UBN1: variants seen among roughly 807,000 people sequenced by gnomAD.
The protein encoded by UBN1 is ubinuclein 1.
A neutral mutation model predicts 108.5 loss-of-function variants in UBN1; 17 were observed. That is an observed-to-expected ratio of 0.16 (90% CI 0.11 to 0.24). UBN1 has a LOEUF of 0.24. UBN1 is among the 10% of genes least tolerant of loss of function. The pLI, the probability that UBN1 is intolerant of heterozygous loss-of-function variation, is 1.00. For synonymous variants in UBN1, 726 were observed against 564.2 expected (o/e 1.29, Z -4.07); for missense variants, 1,595 against 1,394.4 (o/e 1.14, Z -2.29).
At chr16:4,878,717 C>T (rs961628434) in intron 17 of UBN1, among the ~76,000 whole-genome samples, 1 of 152,168 alleles carries the variant, frequency 6.6e-6, no homozygotes, top group Non-Finnish European at 1.5e-5. Context: ...CTCAGAAAAG[C>T]AAAGTAATTG....
chr16:4,874,976 C>G lies in UBN1; in HGVS notation c.2566C>G (p.Pro856Ala), dbSNP rs772390514. 1 of 1,614,138 alleles carries G rather than the reference C, an allele frequency of 6.2e-7. No homozygotes were observed. The highest frequency in any genetic ancestry group is 1.7e-5 in the Admixed American group (1 of 60,030). ...AGCGGCCAAAGGCCAGGGCTTCCATCCCTCTGCACCAGCCACCTCAGGAGG... is the reference window on the plus strand; with the variant it reads ...AGCGGCCAAAGGCCAGGGCTTCCATGCCTCTGCACCAGCCACCTCAGGAGG... ...KTAAKGQGFH[P>A]SAPATSGGLS... is the part of the protein sequence containing the mutation. The change falls in exon 15 of 18, where the codon CCC (proline) becomes GCC (alanine). Residue 856 changes from proline to alanine, a missense_variant. Around this residue, in one of 3 missense-constraint regions of UBN1, gnomAD observed 1,398 missense variants for 1,194.7 expected, o/e 1.17. Coordinates refer to ENST00000262376, the MANE Select transcript of UBN1 (RefSeq NM_001079514.3).
Position 4,875,070 on chromosome 16 carries a change from C to T in UBN1, c.2660C>T (p.Ala887Val), listed in dbSNP as rs770372941. The T allele has an allele frequency of 1.9e-6, 3 of 1,614,044 alleles. No individual in the cohort carries two copies. Among genetic ancestry groups the T allele is most frequent in the Non-Finnish European group, 2.5e-6 (3 of 1,180,054 alleles). Residue 887 changes from alanine to valine, a missense_variant, in exon 15 of 18, where the codon GCA becomes GTA. Physicochemically the swap from Ala to Val is moderately conservative, Grantham distance 64. This residue lies in a region of UBN1 where 1,398 missense variants were observed against 1,194.7 expected (regional missense o/e 1.17). Coordinates refer to ENST00000262376, the MANE Select transcript of UBN1 (RefSeq NM_001079514.3). Reference protein sequence around the residue: ...ASSSSALSHPAKPHSVSSAGS... With the variant: ...ASSSSALSHPVKPHSVSSAGS... ...TCCTCTTCTGCCCTGAGCCATCCAG[C>T]AAAGCCACATTCAGTCAGCTCTGCA...
chr16:4,857,448 T>C (rs1416176072), intron 2 of UBN1, among the ~76,000 whole-genome samples: 4 of 152,022 alleles, frequency 2.6e-5, no homozygotes, highest in Non-Finnish European at 5.9e-5. Flanking sequence ...AGAATAAGCT[T>C]ATAAAATGGA....
rs1235814143 is a variant in UBN1 at position 4,880,644 on chromosome 16, C to T, written c.*512C>T. ...GCCAGAGCCACAGCTGGGAGACCTG[C>T]ACTGTCCCTGCGAAATACTAAGAAC... On this transcript the variant is annotated 3_prime_UTR_variant, in exon 18 of 18. Coordinates refer to ENST00000262376, the MANE Select transcript of UBN1 (RefSeq NM_001079514.3). 1 of 160,892 alleles carries T rather than the reference C, an allele frequency of 6.2e-6. No individual in the cohort carries two copies. Among genetic ancestry groups the T allele is most frequent in the Non-Finnish European group, 1.4e-5 (1 of 72,242 alleles). 10.0% of individuals were successfully genotyped at this position (160,892 alleles called of 1,614,324 possible).
chr16:4,868,267 A>G (rs1407611314), intron 7 of UBN1, among the ~76,000 whole-genome samples: 1 of 152,206 alleles, frequency 6.6e-6, no homozygotes, highest in East Asian at 1.9e-4. Flanking sequence ...TGAAACTCCT[A>G]TAATCTGGTG....
intron 12 of UBN1, among the ~76,000 whole-genome samples, chr16:4,872,666 A>G (rs1362004027): frequency 6.6e-6 from 1 of 152,096 alleles, no homozygotes; most frequent in East Asian, 1.9e-4. Context: ...ACGGGGTTTC[A>G]CCATGTTGGC....
chr16:4,872,996 T>C (rs1461255970), intron 13 of UBN1, 35 bp from the exon 14 acceptor site: 1 of 1,614,198 alleles, frequency 6.2e-7, no homozygotes, highest in Non-Finnish European at 8.5e-7. Context: ...CTCTGGATAT[T>C]CTCTAAACTT....
At chr16:4,851,379 G>T (rs1281265002) in intron 1 of UBN1, among the ~76,000 whole-genome samples, 1 of 152,178 alleles carries the variant, frequency 6.6e-6, no homozygotes, top group African/African-American at 2.4e-5. Flanking sequence ...TAGCTTGGGA[G>T]GTTGAGGCCT....
intron 12 of UBN1, among the ~76,000 whole-genome samples, chr16:4,871,878 A>G (rs1299051541): frequency 3.3e-5 from 5 of 151,876 alleles, no homozygotes; most frequent in Non-Finnish European, 7.4e-5. Flanking sequence ...GAGCCACCAC[A>G]CCCGGCCACA....
At position 4,875,103 on chromosome 16, in the gene UBN1, C is replaced by T. The variant is rs151331085; in HGVS notation, c.2693C>T (p.Ser898Phe). The change falls in exon 15 of 18, where the codon TCT becomes TTT. Residue 898 changes from serine (S) to phenylalanine (F), a missense_variant. This residue lies in a region of UBN1 where 1,398 missense variants were observed against 1,194.7 expected (regional missense o/e 1.17). Coordinates refer to ENST00000262376, the MANE Select transcript of UBN1 (RefSeq NM_001079514.3). ...CATTCAGTCAGCTCTGCAGGCTCAT[C>T]TTACAAGAATAATCCCTTTGCCAGC... Reference protein sequence around the residue: ...KPHSVSSAGSSYKNNPFASSI... With the variant: ...KPHSVSSAGSFYKNNPFASSI... 1.4e-5 allele frequency: 23 copies of T among 1,614,090 alleles called. No individual in the cohort carries two copies. Among genetic ancestry groups the T allele is most frequent in the Non-Finnish European group, 1.8e-5 (21 of 1,180,062 alleles).
intron 15 of UBN1, 128 bp downstream of exon 15, chr16:4,875,562 C>T (rs1010142892): frequency 2.4e-5 from 33 of 1,352,416 alleles, no homozygotes; most frequent in Middle Eastern, 2.7e-4. Context: ...TGGGCTCAGA[C>T]GTAGGAAGGG....
chr16:4,851,707 C>G (rs2086565946), intron 1 of UBN1, among the ~76,000 whole-genome samples: 1 of 152,036 alleles, frequency 6.6e-6, no homozygotes, highest in South Asian at 2.1e-4. Flanking sequence ...GTAGTCTCAG[C>G]TCCTCGAGAG....
At chr16:4,880,030 G>T in intron 17 of UBN1, 53 bp from the exon 18 acceptor site, 1 of 1,602,078 alleles carries the variant, frequency 6.2e-7, no homozygotes, top group South Asian at 1.1e-5. Flanking sequence ...CTGCCTTAAG[G>T]AAATCAGAGA....
At chr16:4,876,063 A>G (rs553302939) in intron 15 of UBN1, among the ~76,000 whole-genome samples, 5 of 149,870 alleles carry the variant, frequency 3.3e-5, no homozygotes, top group African/African-American at 9.8e-5. Flanking sequence ...GGTTCACGCC[A>G]TTCTCCTGCC....
intron 7 of UBN1, among the ~76,000 whole-genome samples, chr16:4,866,745 C>T (rs759474955): frequency 5.3e-5 from 8 of 152,204 alleles, no homozygotes; most frequent in Non-Finnish European, 8.8e-5. Context: ...CTCCTGAGCT[C>T]GCGTGTTCCG....
Position 4,853,160 on chromosome 16 carries a change from A to G in UBN1, c.243A>G (p.Gly81=), listed in dbSNP as rs376927922. Reference sequence around the variant, plus strand: ...GGAAGGTAAAAGGCCTTCAGCCTGGAGATAAGGTACACCCCTTTGTTCCCA... The same window carrying G: ...GGAAGGTAAAAGGCCTTCAGCCTGGGGATAAGGTACACCCCTTTGTTCCCA... ...IRGKVKGLQP[G]DKKKDLSDPF... Residue 81 remains glycine, a synonymous_variant, in exon 2 of 18, where the codon GGA becomes GGG. Coordinates refer to ENST00000262376, the MANE Select transcript of UBN1 (RefSeq NM_001079514.3). The G allele has an allele frequency of 6.2e-7, 1 of 1,613,984 alleles. No homozygotes were observed. Among genetic ancestry groups the G allele is most frequent in the Admixed American group, 1.7e-5 (1 of 60,002 alleles).
At chr16:4,878,697 G>C (rs552374189) in intron 17 of UBN1, among the ~76,000 whole-genome samples, 1 of 152,270 alleles carries the variant, frequency 6.6e-6, no homozygotes, top group Admixed American at 6.5e-5. Flanking sequence ...TTACTCTCAG[G>C]AATGTTACTC....
chr16:4,854,809 GCCT>G (rs1445225715), intron 2 of UBN1, among the ~76,000 whole-genome samples: 1 of 151,590 alleles, frequency 6.6e-6, no homozygotes, highest in East Asian at 1.9e-4. Context: ...TGCAAGCTCC[GCCT>G]CCTCGGTTCA....
In UBN1 at chr16:4,877,906, C is replaced by G; in HGVS notation, c.3355+432C>G. Reference sequence around the variant, plus strand: ...TCCACTGTCAGATGTGATTGCTTAACAGAAGGCTCTCTAAACTTTGTTTCC... The same window carrying G: ...TCCACTGTCAGATGTGATTGCTTAAGAGAAGGCTCTCTAAACTTTGTTTCC... On this transcript the variant is annotated intron_variant, in intron 17 of 17. Transcript: ENST00000262376. The surrounding 1 kb of genome is among the most constrained non-coding windows in gnomAD (Gnocchi z 4.3). The G allele has an allele frequency of 1.1e-6, 1 of 887,822 alleles. No individual in the cohort carries two copies. The highest frequency in any genetic ancestry group is 1.4e-6 in the Non-Finnish European group (1 of 740,654). 55.0% of individuals were successfully genotyped at this position (887,822 alleles called of 1,614,324 possible). A position where few individuals can be genotyped will look rare whatever the true frequency, so the allele number is the denominator to read the frequency against.
Sources: allele counts gnomAD v4.1 joint callset (sites outside exome capture counted in the v4.1 genomes callset), GRCh38; gene constraint gnomAD v4.1.1; regional missense constraint gnomAD v4.1.1; non-coding constraint Gnocchi (gnomAD v3.1); transcripts MANE v1.5; gene names NCBI Gene and HGNC (gene_info 2026-07-23, HGNC 2026-07-21).